The following ADCY2 variants were observed in gnomAD, a reference collection of about 807,000 sequenced individuals.
ADCY2 encodes adenylate cyclase 2.
A neutral mutation model predicts 125.2 loss-of-function variants in ADCY2; 31 were observed. The observed-to-expected ratio is 0.25, with a 90% CI of 0.19 to 0.33. ADCY2 has a LOEUF of 0.33. Among genes scored for constraint, ADCY2 ranks in the 10% least tolerant of loss-of-function variants. ADCY2 has a pLI of 1.00. For synonymous variants in ADCY2, 512 were observed against 548.4 expected (o/e 0.93, Z 0.93); for missense variants, 904 against 1,418.2 (o/e 0.64, Z 5.82).
At chr5:7,462,974 A>G (rs1488739925) in intron 2 of ADCY2, among the ~76,000 whole-genome samples, 2 of 152,190 alleles carry the variant, frequency 1.3e-5, no homozygotes, top group South Asian at 4.1e-4. Flanking sequence ...TGAATTCCAG[A>G]GATGTGTCAG....
At chr5:7,625,165 T>C (rs1378151687) in intron 3 of ADCY2, among the ~76,000 whole-genome samples, 2 of 152,244 alleles carry the variant, frequency 1.3e-5, no homozygotes, top group Non-Finnish European at 2.9e-5. Flanking sequence ...TATAGCATAA[T>C]GCAATGCACA....
chr5:7,634,120 G>A (rs1408074662), intron 4 of ADCY2, among the ~76,000 whole-genome samples: 1 of 152,062 alleles, frequency 6.6e-6, no homozygotes, highest in African/African-American at 2.4e-5. Flanking sequence ...CCTTTTAATG[G>A]GGGGGAAAGG....
intron 4 of ADCY2, among the ~76,000 whole-genome samples, chr5:7,669,385 C>A (rs558481018): frequency 2.0e-5 from 3 of 152,188 alleles, no homozygotes; most frequent in Admixed American, 1.3e-4. Flanking sequence ...GCTCGGGAGA[C>A]CATTCATTGG....
intron 4 of ADCY2, among the ~76,000 whole-genome samples, chr5:7,637,030 A>C (rs1227345001): frequency 6.6e-6 from 1 of 152,246 alleles, no homozygotes; most frequent in Non-Finnish European, 1.5e-5. Flanking sequence ...TACACATCTT[A>C]ATAATGCATC....
At chr5:7,417,733 A>G (rs1740009739) in intron 2 of ADCY2, among the ~76,000 whole-genome samples, 1 of 152,166 alleles carries the variant, frequency 6.6e-6, no homozygotes, top group Non-Finnish European at 1.5e-5. Context: ...GAGTGTTTCC[A>G]TGGCACTTAG....
chr5:7,591,239 G>GT (rs1208251744), intron 3 of ADCY2, among the ~76,000 whole-genome samples: 1 of 152,032 alleles, frequency 6.6e-6, no homozygotes, highest in Non-Finnish European at 1.5e-5. Flanking sequence ...ACAGAACTTT[G>GT]TTTTTTTGGC....
chr5:7,527,971 G>T (rs1158964295), intron 3 of ADCY2, among the ~76,000 whole-genome samples: 1 of 152,158 alleles, frequency 6.6e-6, no homozygotes, highest in African/African-American at 2.4e-5. Context: ...TGTCTTCAGG[G>T]AACATAGGGT....
chr5:7,753,829 C>T (rs1742903592), intron 15 of ADCY2, among the ~76,000 whole-genome samples: 1 of 152,184 alleles, frequency 6.6e-6, no homozygotes, highest in South Asian at 2.1e-4. Context: ...CCTCTCTGTT[C>T]TCTTCTACTT....
chr5:7,428,405 A>G (rs1740467023), intron 2 of ADCY2, among the ~76,000 whole-genome samples: 1 of 152,234 alleles, frequency 6.6e-6, no homozygotes, highest in South Asian at 2.1e-4. Flanking sequence ...TTTCTGCTAA[A>G]TAAATGGCTT....
At chr5:7,583,119 T>C (rs1041504284) in intron 3 of ADCY2, among the ~76,000 whole-genome samples, 3 of 151,956 alleles carry the variant, frequency 2.0e-5, no homozygotes, top group African/African-American at 7.2e-5. Context: ...AATTATAATA[T>C]CTAATAATGA....
chr5:7,565,308 G>A (rs1424189946), intron 3 of ADCY2, among the ~76,000 whole-genome samples: 2 of 152,214 alleles, frequency 1.3e-5, no homozygotes, highest in Non-Finnish European at 2.9e-5. Flanking sequence ...ACATTTATCA[G>A]AAGTGCTTTC....
chr5:7,735,834 C>G (rs982950321), intron 14 of ADCY2, among the ~76,000 whole-genome samples: 2 of 152,074 alleles, frequency 1.3e-5, no homozygotes, highest in East Asian at 3.9e-4. Flanking sequence ...GGCTTCAGAA[C>G]GAGTTAAGAA....
At chr5:7,805,539 C>A (rs1375106185) in intron 22 of ADCY2, among the ~76,000 whole-genome samples, 2 of 152,048 alleles carry the variant, frequency 1.3e-5, no homozygotes, top group East Asian at 3.9e-4. Flanking sequence ...GACCTCCTTT[C>A]CCCTCAGGAC....
intron 2 of ADCY2, among the ~76,000 whole-genome samples, chr5:7,509,517 C>T (rs1325587331): frequency 6.6e-6 from 1 of 152,062 alleles, no homozygotes; most frequent in Non-Finnish European, 1.5e-5. Flanking sequence ...TACCTCCTAC[C>T]TATTTTAAAT....
chr5:7,696,537 C>T (rs1054681957), intron 6 of ADCY2, among the ~76,000 whole-genome samples: 2 of 152,214 alleles, frequency 1.3e-5, no homozygotes, highest in Non-Finnish European at 2.9e-5. Context: ...AAGTTTCTTC[C>T]TGCAAGCCCT....
intron 13 of ADCY2, among the ~76,000 whole-genome samples, chr5:7,725,457 C>T (rs144674053): frequency 4.0e-3 from 606 of 151,924 alleles, no homozygotes; most frequent in African/African-American, 0.014. Flanking sequence ...ATGGACACAC[C>T]AAAAGGTTTT....
chr5:7,794,624 G>T (rs1308618014), intron 20 of ADCY2: 1 of 152,090 alleles, frequency 6.6e-6, no homozygotes, highest in East Asian at 1.9e-4. Context: ...ACATAATGAG[G>T]GTGTTATAAG....
chr5:7,461,129 T>C (rs1741902592), intron 2 of ADCY2, among the ~76,000 whole-genome samples: 1 of 152,146 alleles, frequency 6.6e-6, no homozygotes, highest in African/African-American at 2.4e-5. Flanking sequence ...CAAGGCATGA[T>C]GCCTGGGATG....
intron 16 of ADCY2, among the ~76,000 whole-genome samples, chr5:7,759,114 C>T (rs571328439): frequency 6.6e-6 from 1 of 152,266 alleles, no homozygotes; most frequent in East Asian, 1.9e-4. Flanking sequence ...AAGGGGCCTT[C>T]AGAGAGAAGC....
Sources: gnomAD v4.1 joint callset for allele counts (sites outside exome capture counted in the v4.1 genomes callset) on GRCh38, gnomAD v4.1.1 for gene constraint, MANE v1.5 for transcripts, NCBI Gene and HGNC (gene_info 2026-07-23, HGNC 2026-07-21) for gene names.